CES5A: variants seen among roughly 807,000 people sequenced by gnomAD.
CES5A encodes the protein carboxylesterase 5A, also known as carboxylesterase 5.
A neutral mutation model predicts 62.9 loss-of-function variants in CES5A; 67 were observed. That is an observed-to-expected ratio of 1.07 (90% CI 0.88 to 1.31). The LOEUF (loss-of-function observed/expected upper bound fraction) is 1.31. CES5A is among the 50% of genes most tolerant of loss of function. The probability of loss-of-function intolerance (pLI) is 0.00; values close to 1 mark genes in which losing one functional copy is unlikely to be tolerated. For synonymous variants in CES5A, 296 were observed against 280.8 expected (o/e 1.05, Z -0.54); for missense variants, 748 against 708.5 (o/e 1.06, Z -0.63).
At chr16:55,926,327 G>A (rs1231161195), upstream of CES5A, among the ~76,000 whole-genome samples, 2 of 152,086 alleles carry the variant, frequency 1.3e-5, no homozygotes, top group Middle Eastern at 6.3e-3. Context: ...ACTATGAAGG[G>A]ACTTCAACAA....
At chr16:55,894,563 G>A (rs1434407452) in intron 1 of CES5A, among the ~76,000 whole-genome samples, 1 of 151,772 alleles carries the variant, frequency 6.6e-6, no homozygotes, top group Non-Finnish European at 1.5e-5. Context: ...GAGGATGTGG[G>A]TGACATCGAA....
Position 55,846,537 on chromosome 16 carries a change from A to G in CES5A, c.1642T>C (p.Ser548Pro), listed in dbSNP as rs1362465857. ...FWTSTIPLIL[S>P]ASDMLHSPLS... ...GGACTGTGGAGCATGTCGGAGGCAG[A>G]CAGGATCAGGGGGATGGTGCTGGTC... Residue 548 changes from serine to proline, a missense_variant, in exon 13 of 13, where the codon TCT becomes CCT. Ser to Pro is a moderately conservative substitution (Grantham distance 74, BLOSUM62 -1). Transcript: ENST00000290567. 6.2e-7 allele frequency: 1 copy of G among 1,614,182 alleles called. No individual in the cohort carries two copies. Among genetic ancestry groups the G allele is most frequent in the African/African-American group, 1.3e-5 (1 of 75,062 alleles).
rs751691981 is a variant in CES5A at position 55,846,817 on chromosome 16, A to G, written c.1447T>C (p.Leu483=). The change falls in exon 12 of 13, where the codon TTA becomes CTA. Residue 483 remains leucine (L), a synonymous_variant. Coordinates refer to ENST00000290567, the MANE Select transcript of CES5A (RefSeq NM_001143685.2). ...TATTTCATCATCTTCCGGCTCAGTA[A>G]CTTCTCCTCCTCCGTGGCTCCTTCT... ...MFEGATEEEK[L]LSRKMMKYWA... 109 of 1,613,934 alleles carry G rather than the reference A, an allele frequency of 6.8e-5. No homozygotes were observed. The highest frequency in any genetic ancestry group is 9.0e-5 in the Non-Finnish European group (106 of 1,180,006).
intron 5 of CES5A, 39 bp downstream of exon 5, chr16:55,865,924 G>A (rs748603458): frequency 1.9e-6 from 3 of 1,611,530 alleles, no homozygotes; most frequent in Non-Finnish European, 1.7e-6. Context: ...GGAACCTCCG[G>A]CACTGAGATT....
At chr16:55,943,754 A>C (rs1272363325) in intron 2 of CES5A, among the ~76,000 whole-genome samples, 1 of 152,158 alleles carries the variant, frequency 6.6e-6, no homozygotes, top group Non-Finnish European at 1.5e-5. Context: ...GGCACCAGCT[A>C]TTATACCAGA....
At chr16:55,936,278 C>T (rs1295518682) in intron 2 of CES5A, among the ~76,000 whole-genome samples, 1 of 152,158 alleles carries the variant, frequency 6.6e-6, no homozygotes, top group Non-Finnish European at 1.5e-5. Context: ...CATAAAGAGA[C>T]CTGGGGTTTG....
chr16:55,849,758 A>T lies in CES5A; in HGVS notation c.1289T>A (p.Val430Asp), dbSNP rs2033090841. 6.2e-7 allele frequency: 1 copy of T among 1,613,804 alleles called. No homozygotes were observed. The highest frequency in any genetic ancestry group is 8.5e-7 in the Non-Finnish European group (1 of 1,179,884). The change falls in exon 11 of 13, where the codon GTC becomes GAC. Residue 430 changes from valine to aspartate, a missense_variant. By Grantham distance (152) the Val-to-Asp change is radical (BLOSUM62 -3). Transcript: ENST00000290567. Reference protein sequence around the residue: ...ARYHRDAGAPVYFYEFRHRPQ... With the variant: ...ARYHRDAGAPDYFYEFRHRPQ... ...CCGGTGCCGAAACTCATAGAAGTAGACAGGTGCACCAGCATCTGACAAAAG... is the reference window on the plus strand; with the variant it reads ...CCGGTGCCGAAACTCATAGAAGTAGTCAGGTGCACCAGCATCTGACAAAAG...
intron 1 of CES5A, among the ~76,000 whole-genome samples, chr16:55,907,885 T>C (rs969865092): frequency 6.6e-6 from 1 of 152,200 alleles, no homozygotes; most frequent in Admixed American, 6.5e-5. Context: ...CTCCTGGGAA[T>C]TGAGATGCAT....
intron 1 of CES5A, among the ~76,000 whole-genome samples, chr16:55,896,677 T>G (rs904004455): frequency 1.3e-5 from 2 of 152,220 alleles, no homozygotes; most frequent in African/African-American, 4.8e-5. Context: ...TTTCTCCATA[T>G]AAATGGTAGA....
At chr16:55,848,277 T>TTTG (rs1178534486) in intron 11 of CES5A, among the ~76,000 whole-genome samples, 13 of 151,534 alleles carry the variant, frequency 8.6e-5, no homozygotes. Context: ...GCTAATTTTG[T>TTTG]TTGTTATTAT....
intron 2 of CES5A, among the ~76,000 whole-genome samples, chr16:55,935,759 C>T (rs2034367447): frequency 6.6e-6 from 1 of 151,930 alleles, no homozygotes; most frequent in South Asian, 2.1e-4. Flanking sequence ...CTTCTATGAA[C>T]TCTCCTGGTG....
upstream of CES5A, among the ~76,000 whole-genome samples, chr16:55,879,151 C>T (rs1447887841): frequency 2.0e-5 from 3 of 147,596 alleles, no homozygotes; most frequent in Non-Finnish European, 4.5e-5. Context: ...TCCACTGCTA[C>T]CCCATCACTG....
chr16:55,919,569 C>T (rs773950969), intron 1 of CES5A, among the ~76,000 whole-genome samples: 1 of 152,198 alleles, frequency 6.6e-6, no homozygotes, highest in Non-Finnish European at 1.5e-5. Context: ...GTCTCTTTAC[C>T]TGCTTTCTAC....
chr16:55,918,467 A>G (rs1487917816), intron 1 of CES5A, among the ~76,000 whole-genome samples: 2 of 152,088 alleles, frequency 1.3e-5, no homozygotes, highest in Non-Finnish European at 2.9e-5. Flanking sequence ...CCTATGTTCT[A>G]TTCTTCCCAT....
chr16:55,898,531 G>A (rs1249974709), intron 1 of CES5A, among the ~76,000 whole-genome samples: 1 of 152,130 alleles, frequency 6.6e-6, no homozygotes, highest in Non-Finnish European at 1.5e-5. Flanking sequence ...GAAGTATAAT[G>A]GCACATCATA....
At chr16:55,905,112 G>A (rs2034027587) in intron 1 of CES5A, among the ~76,000 whole-genome samples, 2 of 152,190 alleles carry the variant, frequency 1.3e-5, no homozygotes, top group South Asian at 4.1e-4. Context: ...CAAACAGGTT[G>A]CTAAATGTGC....
At chr16:55,917,057 G>T (rs1172754368) in intron 1 of CES5A, among the ~76,000 whole-genome samples, 1 of 152,044 alleles carries the variant, frequency 6.6e-6, no homozygotes, top group African/African-American at 2.4e-5. Flanking sequence ...AATTTCCCTT[G>T]TTTGGCCAAA....
chr16:55,894,797 G>A (rs943514369), intron 1 of CES5A, among the ~76,000 whole-genome samples: 4 of 152,120 alleles, frequency 2.6e-5, no homozygotes, highest in Non-Finnish European at 5.9e-5. Context: ...AGTTTTGAAG[G>A]TGGTAGCCTA....
chr16:55,951,304 T>A (rs1223581565), intron 1 of CES5A, among the ~76,000 whole-genome samples: 1 of 151,266 alleles, frequency 6.6e-6, no homozygotes, highest in Non-Finnish European at 1.5e-5. Context: ...AGAAAGAGAG[T>A]AATAGGAGAA....
Sources: gnomAD v4.1 joint callset for allele counts (sites outside exome capture counted in the v4.1 genomes callset) on GRCh38, gnomAD v4.1.1 for gene constraint, MANE v1.5 for transcripts, NCBI Gene and HGNC (gene_info 2026-07-23, HGNC 2026-07-21) for gene names.